Variants in FER observed in about 807,000 individuals in gnomAD.
FER encodes the protein tyrosine-protein kinase Fer.
In FER, 63 loss-of-function variants were observed where a neutral mutation model predicts 111.0. That is an observed-to-expected ratio of 0.57 (90% CI 0.46 to 0.70). FER has a LOEUF of 0.70. Ranked by LOEUF, FER falls within the 30% of genes least tolerant of loss-of-function variation. The pLI, the probability that FER is intolerant of heterozygous loss-of-function variation, is 0.00. For missense variants in FER, 914 were observed against 954.0 expected, an observed-to-expected ratio of 0.96 and a Z score of 0.55; for synonymous variants, 327 against 313.9, an observed-to-expected ratio of 1.04 and a Z score of -0.44.
At position 108,990,133 on chromosome 5, in the gene FER, T is replaced by A. The variant is rs549310683; in HGVS notation, c.1656+30786T>A. 1.4e-3 allele frequency among the ~76,000 whole-genome samples: 212 copies of A among 152,090 alleles called. 1 individual carries two copies. Among genetic ancestry groups the A allele is most frequent in the Middle Eastern group, 3.4e-3 (1 of 292 alleles). The stretch of plus-strand genomic sequence containing the variant: ...AGTAAGCAGCTTCTTAACATTAGTG[T>A]ATATTAATACAAGCAAAAACAAATT... On this transcript the variant is annotated intron_variant, in intron 13 of 19. Coordinates refer to ENST00000281092, the MANE Select transcript of FER (RefSeq NM_005246.4).
intron 10 of FER, among the ~76,000 whole-genome samples, chr5:108,938,024 TCTCACACACACA>T (rs1211838491): frequency 3.2e-4 from 25 of 78,042 alleles, no homozygotes; most frequent in Non-Finnish European, 4.4e-4. Context: ...CCTATCTCTC[TCTCACACACACA>T]CACACACACA....
chr5:108,809,316 C>G (rs1057191733), intron 3 of FER, among the ~76,000 whole-genome samples: 8 of 152,062 alleles, frequency 5.3e-5, no homozygotes, highest in Non-Finnish European at 1.0e-4. Flanking sequence ...TTACTTTTGT[C>G]TGACTGCGTT....
intron 16 of FER, among the ~76,000 whole-genome samples, chr5:109,083,463 T>C (rs1327985262): frequency 6.6e-6 from 1 of 152,058 alleles, no homozygotes; most frequent in African/African-American, 2.4e-5. Context: ...ATTCTATCCA[T>C]CTCACTTTAT....
intron 2 of FER, among the ~76,000 whole-genome samples, chr5:108,791,609 A>G (rs1755390651): frequency 6.6e-6 from 1 of 150,382 alleles, no homozygotes; most frequent in Non-Finnish European, 1.5e-5. Context: ...TGATTTGTAA[A>G]TATTTTCTCC....
intron 16 of FER, among the ~76,000 whole-genome samples, chr5:109,055,413 C>T (rs937495152): frequency 6.6e-6 from 1 of 152,132 alleles, no homozygotes; most frequent in Admixed American, 6.5e-5. Context: ...AAATCATATA[C>T]CTGATAAGGG....
intron 1 of FER, among the ~76,000 whole-genome samples, chr5:108,759,735 C>T (rs1021667381): frequency 2.6e-5 from 4 of 152,198 alleles, no homozygotes; most frequent in African/African-American, 9.7e-5. Flanking sequence ...GAACACATTC[C>T]TGCAAGCTCT....
chr5:108,801,405 A>G (rs1012311110), intron 3 of FER, among the ~76,000 whole-genome samples: 2 of 152,214 alleles, frequency 1.3e-5, no homozygotes, highest in African/African-American at 4.8e-5. Flanking sequence ...TTCCTTGATA[A>G]TAATATCAAA....
intron 17 of FER, among the ~76,000 whole-genome samples, chr5:109,115,778 A>G (rs897970525): frequency 2.0e-5 from 3 of 152,070 alleles, no homozygotes; most frequent in African/African-American, 7.2e-5. Context: ...CTTGGTAGTT[A>G]GATGCTTTCT....
chr5:109,143,695 A>G (rs1370623343), intron 17 of FER, among the ~76,000 whole-genome samples: 2 of 127,514 alleles, frequency 1.6e-5, no homozygotes, highest in African/African-American at 3.0e-5. Flanking sequence ...TCTTCCACCA[A>G]TCTTTTTGTT....
chr5:108,874,724 T>C (rs924792779), intron 8 of FER, among the ~76,000 whole-genome samples: 2 of 152,020 alleles, frequency 1.3e-5, no homozygotes, highest in Non-Finnish European at 2.9e-5. Context: ...ATTATTCTAA[T>C]AGAAGTGAAA....
chr5:108,856,330 A>G (rs10052208), intron 5 of FER, among the ~76,000 whole-genome samples: 33,581 of 151,910 alleles, frequency 0.22, 3,887 homozygotes, highest in African/African-American at 0.28. Context: ...ACAATGAAAA[A>G]GTTTTTTTTC....
At chr5:108,883,340 A>T in intron 8 of FER, 56 bp from the exon 9 acceptor site, 2 of 1,476,508 alleles carry the variant, frequency 1.4e-6, no homozygotes, top group Admixed American at 2.2e-5. Flanking sequence ...CTTTTTTGAT[A>T]TGTATAAAGT....
chr5:108,811,901 C>T (rs1042906471), intron 3 of FER, among the ~76,000 whole-genome samples: 1 of 152,032 alleles, frequency 6.6e-6, no homozygotes, highest in South Asian at 2.1e-4. Context: ...TCAATAGATT[C>T]GATAATGCTT....
At chr5:108,967,570 T>A (rs1760033248) in intron 13 of FER, among the ~76,000 whole-genome samples, 1 of 151,866 alleles carries the variant, frequency 6.6e-6, no homozygotes, top group Non-Finnish European at 1.5e-5. Context: ...GAGACCAGCT[T>A]GGCCAATATG....
At position 109,075,617 on chromosome 5, in the gene FER, G is replaced by A. The variant is rs1309115202; in HGVS notation, c.1925-24779G>A. Among the ~76,000 whole-genome samples, 11 of 151,952 alleles carry A rather than the reference G, an allele frequency of 7.2e-5. No individual in the cohort carries two copies. The South Asian group carries it at 1.2e-3, about 17-fold the overall frequency. On this transcript the variant is annotated intron_variant, in intron 16 of 19. Transcript: ENST00000281092. ...TTTTTGTATTTTTAGTAGAGACGGGGTTTCACCGTGTTAGCCAGGATGGTC... is the reference window on the plus strand; with the variant it reads ...TTTTTGTATTTTTAGTAGAGACGGGATTTCACCGTGTTAGCCAGGATGGTC...
At chr5:108,753,580 A>G (rs1750737462) in intron 1 of FER, among the ~76,000 whole-genome samples, 1 of 152,180 alleles carries the variant, frequency 6.6e-6, no homozygotes, top group African/African-American at 2.4e-5. Context: ...TAAATCTCTA[A>G]CTAGTGCCCC....
intron 13 of FER, among the ~76,000 whole-genome samples, chr5:109,002,992 T>G (rs1010690698): frequency 1.3e-5 from 2 of 152,002 alleles, no homozygotes; most frequent in East Asian, 3.9e-4. Context: ...TGTGGAGAAA[T>G]AGGAACACTT....
At chr5:109,019,214 C>T (rs2149824973) in intron 13 of FER, among the ~76,000 whole-genome samples, 1 of 151,780 alleles carries the variant, frequency 6.6e-6, no homozygotes, top group Non-Finnish European at 1.5e-5. Context: ...CAGTTTTATA[C>T]TCCATTAATT....
At position 109,011,151 on chromosome 5, in the gene FER, G is replaced by GT. The variant is rs1439094391; in HGVS notation, c.1657-26264dup. ...AATGCTATAGGTATTGTTTTTATCT[G>GT]TTTTTTTCAAATTATATAATCAGCT... On this transcript the variant is annotated intron_variant, in intron 13 of 19. Coordinates refer to ENST00000281092, the MANE Select transcript of FER (RefSeq NM_005246.4). 6.1e-5 allele frequency among the ~76,000 whole-genome samples: 9 copies of GT among 148,002 alleles called. No individual in the cohort carries two copies. The South Asian group carries it at 8.3e-4, about 14-fold the overall frequency.
Sources: allele counts gnomAD v4.1 joint callset (sites outside exome capture counted in the v4.1 genomes callset), GRCh38; gene constraint gnomAD v4.1.1; transcripts MANE v1.5; gene names NCBI Gene and HGNC (gene_info 2026-07-23, HGNC 2026-07-21).